The following RAP1GAP2 variants were observed in gnomAD, a reference collection of about 807,000 sequenced individuals.
RAP1GAP2 encodes the protein rap1 GTPase-activating protein 2.
RAP1GAP2 carries 27 observed loss-of-function variants against 95.0 expected under a neutral mutation model. The ratio of observed to expected loss-of-function variants is 0.28; its 90% CI spans 0.21 to 0.39. The LOEUF is 0.39. Among genes scored for constraint, RAP1GAP2 ranks in the 10% least tolerant of loss-of-function variants. The probability of loss-of-function intolerance (pLI) is 1.00; values close to 1 mark genes in which losing one functional copy is unlikely to be tolerated. For missense variants in RAP1GAP2, 771 were observed against 970.0 expected (o/e 0.79, Z 2.72); for synonymous variants, 373 against 380.9 (o/e 0.98, Z 0.24).
At chr17:2,837,810 G>T (rs2071203333) in intron 2 of RAP1GAP2, among the ~76,000 whole-genome samples, 1 of 151,532 alleles carries the variant, frequency 6.6e-6, no homozygotes, top group African/African-American at 2.4e-5. Flanking sequence ...GTTTCGCCGT[G>T]TTAGCCAGGA....
Position 2,963,789 on chromosome 17 carries a change from C to T in RAP1GAP2, c.280-67C>T. 10 of 1,367,324 alleles carry T rather than the reference C, an allele frequency of 7.3e-6. No homozygotes were observed. The highest frequency in any genetic ancestry group is 2.6e-4 in the Middle Eastern group (1 of 3,878). The allele number at this position is 1,367,324 out of a possible 1,614,324, so 84.7% of individuals were successfully genotyped here. A position where few individuals can be genotyped will look rare whatever the true frequency, so the allele number is the denominator to read the frequency against. On this transcript the variant is annotated intron_variant, in intron 6 of 24. Coordinates refer to ENST00000254695, the MANE Select transcript of RAP1GAP2 (RefSeq NM_015085.5). The surrounding 1 kb of genome is among the most constrained non-coding windows in gnomAD (Gnocchi z 4.8). ...ACTCCTGGGAGCAGCGCAGAGGGGACACCGCCACCGGCCCCCTCCCTCCCC... is the reference window on the plus strand; with the variant it reads ...ACTCCTGGGAGCAGCGCAGAGGGGATACCGCCACCGGCCCCCTCCCTCCCC...
Position 3,020,471 on chromosome 17 carries a change from C to G in RAP1GAP2, c.1633-6C>G. The G allele has an allele frequency of 6.2e-7, 1 of 1,611,422 alleles. No individual in the cohort carries two copies. The highest frequency in any genetic ancestry group is 8.5e-7 in the Non-Finnish European group (1 of 1,178,376). On this transcript the variant is annotated splice_region_variant and splice_polypyrimidine_tract_variant and intron_variant, in intron 18 of 24. Coordinates refer to ENST00000254695, the MANE Select transcript of RAP1GAP2 (RefSeq NM_015085.5). ...GGAGCACTCATTTTGGCAATTTCAT[C>G]GACAGCCTCCAGTGGTGGCGGCAAC...
intron 2 of RAP1GAP2, among the ~76,000 whole-genome samples, chr17:2,828,048 A>G (rs1280148624): frequency 6.6e-6 from 1 of 151,956 alleles, no homozygotes; most frequent in East Asian, 1.9e-4. Context: ...CTTAGAATTT[A>G]ACTTATCCTG....
At chr17:3,031,069 G>A in intron 23 of RAP1GAP2, 71 bp downstream of exon 23, 2 of 1,453,482 alleles carry the variant, frequency 1.4e-6, no homozygotes, top group South Asian at 2.4e-5. Flanking sequence ...TGAGGCCAGA[G>A]GAAGAGGGTT....
intron 8 of RAP1GAP2, among the ~76,000 whole-genome samples, chr17:2,977,984 C>T (rs1036851516): frequency 2.0e-5 from 3 of 152,102 alleles, no homozygotes; most frequent in African/African-American, 7.2e-5. Context: ...AGTCCCAAAC[C>T]TGATTGCCGT....
At chr17:2,999,162 T>A (rs1047949409) in intron 14 of RAP1GAP2, among the ~76,000 whole-genome samples, 2 of 152,196 alleles carry the variant, frequency 1.3e-5, no homozygotes, top group African/African-American at 2.4e-5. Context: ...ACAGGGCAGC[T>A]CATTGCCCCT....
intron 2 of RAP1GAP2, among the ~76,000 whole-genome samples, chr17:2,846,379 C>T (rs2071588970): frequency 6.6e-6 from 1 of 152,014 alleles, no homozygotes; most frequent in South Asian, 2.1e-4. Context: ...TTGATGGACA[C>T]TTGGGCTGCT....
In RAP1GAP2 at chr17:3,026,864, C is replaced by A. The variant is rs894960786; in HGVS notation, c.1981-80C>A. On this transcript the variant is annotated intron_variant, in intron 21 of 24. Transcript: ENST00000254695. ...AGCAGGAGGCAGCGGCTGTCCTGGG[C>A]TTTTGGGGGCTGCCTCAGGCCTGCG... is the stretch of plus-strand genomic sequence containing the variant. The A allele has an allele frequency of 8.0e-6, 12 of 1,494,476 alleles. No individual in the cohort carries two copies. In the Admixed American group the frequency reaches 2.6e-4, roughly 33 times the overall value. 92.6% of individuals were successfully genotyped at this position (1,494,476 alleles called of 1,614,324 possible).
chr17:3,009,827 C>T (rs183529909), intron 17 of RAP1GAP2, among the ~76,000 whole-genome samples: 13 of 152,000 alleles, frequency 8.6e-5, no homozygotes, highest in African/African-American at 1.7e-4. Flanking sequence ...AGAAGAGGAA[C>T]GGGAGGAGAG....
chr17:2,934,068 C>T (rs2043233555), intron 3 of RAP1GAP2, among the ~76,000 whole-genome samples: 1 of 152,232 alleles, frequency 6.6e-6, no homozygotes, highest in African/African-American at 2.4e-5. Context: ...CGGATGGCGT[C>T]CGTCATCCAT....
At chr17:2,834,004 T>C (rs1597398808) in intron 2 of RAP1GAP2, among the ~76,000 whole-genome samples, 1 of 152,278 alleles carries the variant, frequency 6.6e-6, no homozygotes, top group South Asian at 2.1e-4. Context: ...AGAGAAGCAC[T>C]GTCCTCCGTA....
At chr17:2,844,485 G>A (rs954029499) in intron 2 of RAP1GAP2, among the ~76,000 whole-genome samples, 2 of 152,202 alleles carry the variant, frequency 1.3e-5, no homozygotes, top group African/African-American at 2.4e-5. Context: ...TTATGGAAAG[G>A]GGGTGGAAAA....
intron 3 of RAP1GAP2, among the ~76,000 whole-genome samples, chr17:2,914,969 C>T (rs991402050): frequency 6.7e-6 from 1 of 149,190 alleles, no homozygotes; most frequent in Non-Finnish European, 1.5e-5. Context: ...TTGTTTTATT[C>T]TCAGTAAAGA....
At chr17:3,020,720 GCCTTCAGGCACCT>G in intron 19 of RAP1GAP2, 125 bp downstream of exon 19, 1 of 760,030 alleles carries the variant, frequency 1.3e-6, no homozygotes, top group Non-Finnish European at 2.2e-6. Context: ...AGATGGCTCT[GCCTTCAGGCACCT>G]GTGTGTCCCC....
intron 2 of RAP1GAP2, among the ~76,000 whole-genome samples, chr17:2,885,930 C>T (rs986257423): frequency 6.6e-6 from 1 of 152,126 alleles, no homozygotes; most frequent in East Asian, 1.9e-4. Flanking sequence ...GGAAATGATT[C>T]GGCAGGAAGG....
At chr17:2,860,884 G>A (rs908172174) in intron 2 of RAP1GAP2, among the ~76,000 whole-genome samples, 6 of 151,988 alleles carry the variant, frequency 3.9e-5, no homozygotes, top group African/African-American at 1.5e-4. Context: ...GGAATTACAG[G>A]TGTGAGTCAC....
chr17:2,913,704 A>C lies in RAP1GAP2; in HGVS notation c.165+8336A>C, dbSNP rs182546591. ...TGCGTAAGTCTTAATTGTATTGTAT[A>C]CTTTGACTAATGATACACCCACGTG... On this transcript the variant is annotated intron_variant, in intron 3 of 24. Transcript: ENST00000254695. 5.3e-5 allele frequency among the ~76,000 whole-genome samples: 8 copies of C among 152,302 alleles called. No individual in the cohort carries two copies. The East Asian group carries it at 1.5e-3, about 29-fold the overall frequency.
In RAP1GAP2 at chr17:3,027,403, C is replaced by T. The variant is rs1008255821; in HGVS notation, c.2107+333C>T. 3.3e-5 allele frequency among the ~76,000 whole-genome samples: 5 copies of T among 152,232 alleles called. No individual in the cohort carries two copies. The South Asian group carries it at 1.0e-3, about 32-fold the overall frequency. On this transcript the variant is annotated intron_variant, in intron 22 of 24. Transcript: ENST00000254695. This position sits in a 1 kb window ranked among gnomAD's most constrained non-coding sequence, Gnocchi z 5.2. Reference sequence around the variant, plus strand: ...ACCTGCCAGTGCTCCAACCCTTCTCCCCACCTGCCAGCGCTCCAGGGCTGC... The same window carrying T: ...ACCTGCCAGTGCTCCAACCCTTCTCTCCACCTGCCAGCGCTCCAGGGCTGC...
chr17:2,952,297 C>A (rs185203850), intron 3 of RAP1GAP2, among the ~76,000 whole-genome samples: 46 of 152,222 alleles, frequency 3.0e-4, no homozygotes, highest in African/African-American at 1.1e-3. Context: ...GAGCACAGAC[C>A]TCCTCTTGTC....
Sources: allele counts gnomAD v4.1 joint callset (sites outside exome capture counted in the v4.1 genomes callset), GRCh38; gene constraint gnomAD v4.1.1; non-coding constraint Gnocchi (gnomAD v3.1); transcripts MANE v1.5; gene names NCBI Gene and HGNC (gene_info 2026-07-23, HGNC 2026-07-21).